Variants in SOAT1 observed in about 807,000 individuals in gnomAD.
SOAT1 encodes acyl-coenzyme A:cholesterol acyltransferase 1.
A neutral mutation model predicts 69.5 loss-of-function variants in SOAT1; 55 were observed. The ratio of observed to expected loss-of-function variants is 0.79; its 90% CI spans 0.64 to 0.99. The LOEUF is 0.99. Among genes scored for constraint, SOAT1 ranks in the 50% least tolerant of loss-of-function variants. The pLI is 0.00. For missense variants in SOAT1, 580 were observed against 669.3 expected (o/e 0.87, Z 1.47); for synonymous variants, 231 against 224.7 (o/e 1.03, Z -0.25).
chr1:179,319,561 C>T (rs1056313972), intron 2 of SOAT1, among the ~76,000 whole-genome samples: 2 of 151,968 alleles, frequency 1.3e-5, no homozygotes, highest in East Asian at 1.9e-4. Flanking sequence ...TGAGCCACCG[C>T]ACCTGGCGTA....
At chr1:179,297,174 T>C (rs956112961) in intron 1 of SOAT1, among the ~76,000 whole-genome samples, 12 of 152,248 alleles carry the variant, frequency 7.9e-5, no homozygotes, top group Admixed American at 6.5e-4. Context: ...ATTCCTTCAC[T>C]GCTAGACCTC....
intron 2 of SOAT1, among the ~76,000 whole-genome samples, chr1:179,318,325 A>G (rs1329649452): frequency 6.6e-6 from 1 of 152,170 alleles, no homozygotes; most frequent in Non-Finnish European, 1.5e-5. Context: ...ATCTGTGACA[A>G]TAATAAAGCT....
chr1:179,310,735 T>G (rs1440921935), intron 2 of SOAT1, among the ~76,000 whole-genome samples: 1 of 152,194 alleles, frequency 6.6e-6, no homozygotes, highest in East Asian at 1.9e-4. Flanking sequence ...CAATGAGAGT[T>G]TTTTAGAAAA....
At chr1:179,297,012 TG>T (rs140610583) in intron 1 of SOAT1, among the ~76,000 whole-genome samples, 6 of 152,166 alleles carry the variant, frequency 3.9e-5, no homozygotes, top group African/African-American at 9.7e-5. Flanking sequence ...CTTTGTTACC[TG>T]GGGGGGAATA....
chr1:179,311,503 T>G (rs959374440), intron 2 of SOAT1, among the ~76,000 whole-genome samples: 2 of 152,180 alleles, frequency 1.3e-5, no homozygotes, highest in African/African-American at 4.8e-5. Flanking sequence ...GTAAAATTCT[T>G]TCTCAGAACA....
intron 9 of SOAT1, among the ~76,000 whole-genome samples, chr1:179,343,167 G>A (rs1262974166): frequency 6.6e-6 from 1 of 151,910 alleles, no homozygotes; most frequent in Admixed American, 6.6e-5. Context: ...CATAAATGAT[G>A]TTCTGAATTA....
intron 1 of SOAT1, among the ~76,000 whole-genome samples, chr1:179,295,966 AT>A (rs58893158): frequency 1.7e-3 from 90 of 52,004 alleles, no homozygotes; most frequent in African/African-American, 7.6e-3. Context: ...CGCCCGGCTA[AT>A]TTTTTTTTTT....
intron 2 of SOAT1, among the ~76,000 whole-genome samples, chr1:179,304,602 T>G (rs1167695192): frequency 6.6e-6 from 1 of 151,464 alleles, no homozygotes; most frequent in East Asian, 2.0e-4. Flanking sequence ...TCTTCCCCTC[T>G]TCCTCCTTCT....
intron 1 of SOAT1, among the ~76,000 whole-genome samples, chr1:179,294,730 C>A (rs1664571346): frequency 1.3e-5 from 2 of 152,266 alleles, no homozygotes; most frequent in East Asian, 3.9e-4. Context: ...CGGGGTTTCA[C>A]CATGTTGGAC....
At chr1:179,309,343 A>G (rs1014046460) in intron 2 of SOAT1, among the ~76,000 whole-genome samples, 8 of 152,118 alleles carry the variant, frequency 5.3e-5, no homozygotes, top group Non-Finnish European at 8.8e-5. Context: ...CAGCCTCCCA[A>G]AGTGCTGGGA....
rs148772302 is a variant in SOAT1, at chr1:179,321,668, C to T, written c.119-1769C>T. 1.4e-3 allele frequency among the ~76,000 whole-genome samples: 209 copies of T among 152,268 alleles called. No homozygotes were observed. In the Middle Eastern group the frequency reaches 0.017, roughly 12 times the overall value. ...CTTCTATGTCTTTTAACCTATTATT[C>T]TCTGTCACTATTTCTCTGGGCTATC... On this transcript the variant is annotated intron_variant, in intron 2 of 15. Transcript: ENST00000367619.
In SOAT1 at chr1:179,324,580, G is replaced by T. The variant is rs140912875; in HGVS notation, c.177+1085G>T. Among the ~76,000 whole-genome samples, 135 of 152,240 alleles carry T rather than the reference G, an allele frequency of 8.9e-4. 1 individual carries two copies. Among genetic ancestry groups the T allele is most frequent in the African/African-American group, 3.2e-3 (132 of 41,550 alleles). On this transcript the variant is annotated intron_variant, in intron 3 of 15. Transcript: ENST00000367619. ...TGGGTATAGACTCCTAGTTAATAGGGTGTTAAACTTTATTTTTCCTGATTC... is the reference window on the plus strand; with the variant it reads ...TGGGTATAGACTCCTAGTTAATAGGTTGTTAAACTTTATTTTTCCTGATTC...
intron 2 of SOAT1, among the ~76,000 whole-genome samples, chr1:179,310,852 TA>T (rs1484921428): frequency 2.0e-5 from 3 of 152,236 alleles, no homozygotes; most frequent in Non-Finnish European, 2.9e-5. Flanking sequence ...AAACATTTAT[TA>T]AAAGAACTGC....
chr1:179,305,857 G>A (rs557617112), intron 2 of SOAT1, among the ~76,000 whole-genome samples: 1 of 149,762 alleles, frequency 6.7e-6, no homozygotes, highest in Admixed American at 6.7e-5. Flanking sequence ...GGAGCTTGAA[G>A]TTGGTGTGCA....
At chr1:179,331,418 G>A (rs1032321868) in intron 3 of SOAT1, among the ~76,000 whole-genome samples, 1 of 152,106 alleles carries the variant, frequency 6.6e-6, no homozygotes, top group Non-Finnish European at 1.5e-5. Context: ...TGAGCAAGGG[G>A]AACAGTGACT....
chr1:179,325,148 T>G (rs796531828), intron 3 of SOAT1, among the ~76,000 whole-genome samples: 2 of 39,066 alleles, frequency 5.1e-5, no homozygotes, highest in African/African-American at 1.3e-4. Context: ...TAGTGACTAA[T>G]TTTTTTTTTT....
At chr1:179,330,929 A>G (rs990972589) in intron 3 of SOAT1, among the ~76,000 whole-genome samples, 1 of 152,198 alleles carries the variant, frequency 6.6e-6, no homozygotes, top group African/African-American at 2.4e-5. Flanking sequence ...GTGCAAAGAG[A>G]GACTGGGAAA....
chr1:179,333,917 C>A (rs1666059903), intron 3 of SOAT1, among the ~76,000 whole-genome samples: 1 of 152,004 alleles, frequency 6.6e-6, no homozygotes. Context: ...TCAGGACTGT[C>A]AACCAAATGG....
chr1:179,349,256 G>T (rs1571458613), intron 13 of SOAT1, among the ~76,000 whole-genome samples: 2 of 151,746 alleles, frequency 1.3e-5, no homozygotes, highest in Admixed American at 1.3e-4. Flanking sequence ...AGTTTCTTAT[G>T]AGTCTTGTTG....
Sources: allele counts gnomAD v4.1 joint callset (sites outside exome capture counted in the v4.1 genomes callset), GRCh38; gene constraint gnomAD v4.1.1; transcripts MANE v1.5; gene names NCBI Gene and HGNC (gene_info 2026-07-23, HGNC 2026-07-21).